Variants in SAMMSON observed in about 807,000 individuals in gnomAD.
SAMMSON encodes the protein survival associated mitochondrial melanoma specific oncogenic non-coding RNA.
chr3:70,314,088 C>A (rs1168263517), intron 7 of SAMMSON, among the ~76,000 whole-genome samples: 2 of 152,090 alleles, frequency 1.3e-5, no homozygotes, highest in Non-Finnish European at 2.9e-5. Flanking sequence ...CTTCTCTGAT[C>A]TTACTTGGGA....
intron 4 of SAMMSON, among the ~76,000 whole-genome samples, chr3:70,215,842 T>C (rs1268541170): frequency 6.6e-6 from 1 of 152,116 alleles, no homozygotes; most frequent in Non-Finnish European, 1.5e-5. Flanking sequence ...CAGTTGACAA[T>C]GGACTCATCC....
intron 2 of SAMMSON, among the ~76,000 whole-genome samples, chr3:70,422,944 T>G (rs1030612916): frequency 2.6e-5 from 4 of 151,920 alleles, no homozygotes; most frequent in Admixed American, 2.6e-4. Context: ...ATAATAAAAA[T>G]TTTAATAAAA....
chr3:70,378,978 CTTTTATTTATTT>C (rs1703043084), intron 9 of SAMMSON, among the ~76,000 whole-genome samples: 1 of 142,988 alleles, frequency 7.0e-6, no homozygotes, highest in Non-Finnish European at 1.5e-5. Context: ...TATACTTACA[CTTTTATTTATTT>C]ATTTATTTAT....
chr3:70,382,961 G>T (rs1401650130), intron 9 of SAMMSON, among the ~76,000 whole-genome samples: 1 of 151,998 alleles, frequency 6.6e-6, no homozygotes. Flanking sequence ...AGGTTGTTTT[G>T]CATATTGGTT....
chr3:70,216,236 G>A (rs1333815332), intron 4 of SAMMSON, among the ~76,000 whole-genome samples: 1 of 149,782 alleles, frequency 6.7e-6, no homozygotes, highest in Non-Finnish European at 1.5e-5. Context: ...TATACAATTA[G>A]AATATATATC....
At chr3:70,251,981 C>T (rs1044607661) in intron 6 of SAMMSON, among the ~76,000 whole-genome samples, 3 of 152,154 alleles carry the variant, frequency 2.0e-5, no homozygotes, top group East Asian at 1.9e-4. Flanking sequence ...CTTCAAAACA[C>T]GTGTTAAGGA....
chr3:70,129,166 A>G (rs1008305108), intron 4 of SAMMSON, among the ~76,000 whole-genome samples: 7 of 152,140 alleles, frequency 4.6e-5, no homozygotes, highest in Non-Finnish European at 7.4e-5. Context: ...GATAAAAGTA[A>G]CCTCTTTTGT....
chr3:70,147,041 C>G (rs1559523043), intron 4 of SAMMSON, among the ~76,000 whole-genome samples: 2 of 151,724 alleles, frequency 1.3e-5, no homozygotes, highest in Admixed American at 6.6e-5. Flanking sequence ...AAATAGGAAA[C>G]CAAAATTTAA....
At chr3:70,081,405 GC>G in intron 4 of SAMMSON, among the ~76,000 whole-genome samples, 1 of 152,310 alleles carries the variant, frequency 6.6e-6, no homozygotes, top group South Asian at 2.1e-4. Context: ...GAGCCACCGC[GC>G]CCGGCCTCTT....
chr3:70,285,191 A>C (rs1175541696), intron 6 of SAMMSON, among the ~76,000 whole-genome samples: 2 of 142,580 alleles, frequency 1.4e-5, no homozygotes, highest in South Asian at 5.0e-4. Context: ...ATACCTCCCA[A>C]TGCTATCCCT....
intron 1 of SAMMSON, chr3:70,012,330 G>C (rs1400434349): frequency 6.6e-6 from 1 of 151,080 alleles, no homozygotes; most frequent in Non-Finnish European, 1.5e-5. Flanking sequence ...GAGATGTGAA[G>C]CATTTTTTTT....
intron 9 of SAMMSON, among the ~76,000 whole-genome samples, chr3:70,381,685 A>T (rs1703070145): frequency 6.6e-6 from 1 of 152,150 alleles, no homozygotes; most frequent in Admixed American, 6.6e-5. Context: ...AAGGGGAGAA[A>T]AAAAAACAAG....
chr3:70,143,783 C>A (rs2067537439), intron 4 of SAMMSON, among the ~76,000 whole-genome samples: 1 of 152,098 alleles, frequency 6.6e-6, no homozygotes, highest in South Asian at 2.1e-4. Flanking sequence ...GTTGATTTCC[C>A]TGAACCCTGA....
chr3:70,016,045 G>A lies in SAMMSON; in HGVS notation n.417+2373G>A, dbSNP rs188668678. On this transcript the variant is annotated intron_variant and non_coding_transcript_variant, in intron 3 of 9. Coordinates refer to ENST00000642114, the Ensembl canonical transcript of SAMMSON. Reference sequence around the variant, plus strand: ...ACATACATGTGCTTGTGCCTTTATAGCAGCATGATTTATAATCCTTTGGGT... The same window carrying A: ...ACATACATGTGCTTGTGCCTTTATAACAGCATGATTTATAATCCTTTGGGT... 5.2e-3 allele frequency among the ~76,000 whole-genome samples: 793 copies of A among 152,254 alleles called. 6 individuals carry two copies. The highest frequency in any genetic ancestry group is 0.024 in the Middle Eastern group (7 of 294).
intron 4 of SAMMSON, among the ~76,000 whole-genome samples, chr3:70,113,317 A>G (rs1180785049): frequency 6.6e-6 from 1 of 152,180 alleles, no homozygotes; most frequent in African/African-American, 2.4e-5. Flanking sequence ...TTATTAGGCC[A>G]TTCATATTTT....
chr3:70,230,128 A>ATT (rs1701544015), intron 4 of SAMMSON, among the ~76,000 whole-genome samples: 1 of 152,246 alleles, frequency 6.6e-6, no homozygotes, highest in African/African-American at 2.4e-5. Context: ...TAGAATTAAA[A>ATT]ATGGTCAGGC....
rs563278783 is a variant in SAMMSON, at chr3:70,300,094, T to C, written n.739+8851T>C. 1.5e-3 allele frequency among the ~76,000 whole-genome samples: 235 copies of C among 152,254 alleles called. 1 individual carries two copies. Among genetic ancestry groups the C allele is most frequent in the Non-Finnish European group, 2.9e-3 (196 of 68,002 alleles). The stretch of plus-strand genomic sequence containing the variant: ...CAGCCAAATTCCCCATTTTTCAGAA[T>C]TCTAGATGTGCTGCTTCCTACCTCT... On this transcript the variant is annotated intron_variant and non_coding_transcript_variant, in intron 7 of 9. Transcript: ENST00000642114.
At chr3:70,367,410 A>T (rs1306804946) in intron 9 of SAMMSON, among the ~76,000 whole-genome samples, 2 of 151,514 alleles carry the variant, frequency 1.3e-5, no homozygotes, top group African/African-American at 4.8e-5. Context: ...TTTTTAATTG[A>T]AAACATCAAC....
intron 3 of SAMMSON, among the ~76,000 whole-genome samples, chr3:70,066,917 G>A (rs972109834): frequency 2.0e-5 from 3 of 152,100 alleles, no homozygotes; most frequent in African/African-American, 7.2e-5. Context: ...ATGTTGGTTG[G>A]TTATTTAAAT....
Sources: allele counts gnomAD v4.1 joint callset (sites outside exome capture counted in the v4.1 genomes callset), GRCh38; gene constraint gnomAD v4.1.1; transcripts MANE v1.5; gene names NCBI Gene and HGNC (gene_info 2026-07-23, HGNC 2026-07-21).